PDE10A: variants seen among roughly 807,000 people sequenced by gnomAD.
PDE10A encodes the protein cAMP and cAMP-inhibited cGMP 3',5'-cyclic phosphodiesterase 10A.
In PDE10A, 39 loss-of-function variants were observed where a neutral mutation model predicts 97.7. That is an observed-to-expected ratio of 0.40 (90% CI 0.31 to 0.52). PDE10A has a LOEUF of 0.52. Among genes scored for constraint, PDE10A ranks in the 20% least tolerant of loss-of-function variants. The pLI, the probability that PDE10A is intolerant of heterozygous loss-of-function variation, is 0.56. For missense variants in PDE10A, 731 were observed against 1,047.8 expected (o/e 0.70, Z 4.17); for synonymous variants, 371 against 376.8 (o/e 0.98, Z 0.18).
intron 1 of PDE10A, among the ~76,000 whole-genome samples, chr6:165,619,489 C>CTAGTG (rs1390531060): frequency 2.5e-4 from 7 of 28,146 alleles, no homozygotes; most frequent in East Asian, 8.1e-4. Flanking sequence ...CTAGTGTAGT[C>CTAGTG]TAGTGTAGTC....
intron 1 of PDE10A, among the ~76,000 whole-genome samples, chr6:165,846,176 C>T (rs914423617): frequency 3.3e-5 from 5 of 152,198 alleles, no homozygotes; most frequent in Non-Finnish European, 7.3e-5. Context: ...GCAGATCAGA[C>T]ATTTAAAGTA....
intron 1 of PDE10A, among the ~76,000 whole-genome samples, chr6:165,880,846 A>G (rs1194516478): frequency 2.0e-5 from 3 of 152,166 alleles, no homozygotes; most frequent in Admixed American, 2.0e-4. Context: ...AGGAAAACCC[A>G]AAGCATTCTT....
chr6:165,668,523 C>A (rs1440604058), intron 1 of PDE10A, among the ~76,000 whole-genome samples: 1 of 151,948 alleles, frequency 6.6e-6, no homozygotes, highest in African/African-American at 2.4e-5. Context: ...TTATAATAGG[C>A]CTTGGCATGT....
At chr6:165,617,058 A>G (rs1787758375) in intron 1 of PDE10A, among the ~76,000 whole-genome samples, 1 of 152,230 alleles carries the variant, frequency 6.6e-6, no homozygotes, top group South Asian at 2.1e-4. Context: ...AATGAAAGAA[A>G]AGACTGGCAT....
Position 165,328,194 on chromosome 6 carries a change from T to C in PDE10A, c.*4831A>G, listed in dbSNP as rs1781151866. 1.3e-5 allele frequency: 2 copies of C among 152,148 alleles called. No homozygotes were observed. The highest frequency in any genetic ancestry group is 2.9e-5 in the Non-Finnish European group (2 of 68,034). The allele number at this position is 152,148 out of a possible 1,614,324, so 9.4% of individuals were successfully genotyped here. A position where few individuals can be genotyped will look rare whatever the true frequency, so the allele number is the denominator to read the frequency against. On this transcript the variant is annotated 3_prime_UTR_variant, in exon 22 of 22. Transcript: ENST00000539869. ...CATATACACCATACAACAGATCATA[T>C]GGAAAATAATATTCCTATATGTCAT...
At chr6:165,582,835 A>C (rs1785693434) in intron 1 of PDE10A, among the ~76,000 whole-genome samples, 1 of 152,170 alleles carries the variant, frequency 6.6e-6, no homozygotes, top group Admixed American at 6.5e-5. Context: ...AATTAAAACA[A>C]TATAAAATAT....
At chr6:165,405,229 T>C (rs1787041471) in intron 13 of PDE10A, among the ~76,000 whole-genome samples, 1 of 152,152 alleles carries the variant, frequency 6.6e-6, no homozygotes, top group African/African-American at 2.4e-5. Context: ...TGTCCTAAGG[T>C]AGGAATACTG....
chr6:165,786,028 C>T (rs773063045), intron 1 of PDE10A, among the ~76,000 whole-genome samples: 8 of 152,308 alleles, frequency 5.3e-5, no homozygotes, highest in Non-Finnish European at 1.0e-4. Context: ...TGTCATTCAA[C>T]GATATTCACA....
intron 1 of PDE10A, among the ~76,000 whole-genome samples, chr6:165,753,464 AATTTC>A (rs1402339419): frequency 6.6e-6 from 1 of 152,210 alleles, no homozygotes; most frequent in Admixed American, 6.5e-5. Context: ...CTAAGGGAAG[AATTTC>A]ATTTCATGTT....
rs981514849 is a variant in PDE10A, at chr6:165,711,338, G to A, written c.-614-167770C>T. Among the ~76,000 whole-genome samples the A allele has an allele frequency of 3.9e-5, 6 of 152,142 alleles. No homozygotes were observed. The highest frequency in any genetic ancestry group is 9.7e-5 in the African/African-American group (4 of 41,426). On this transcript the variant is annotated intron_variant, in intron 1 of 19. Coordinates refer to the PDE10A transcript ENST00000366882. This position sits in a 1 kb window ranked among gnomAD's most constrained non-coding sequence, Gnocchi z 4.5. ...ACCATTACAGATGGTATGATTCAGC[G>A]TGCTAAAGGCAGCTGTGGTCTGGAT...
chr6:165,710,283 T>C lies in PDE10A; in HGVS notation c.-614-166715A>G, dbSNP rs111735697. 7.4e-3 allele frequency among the ~76,000 whole-genome samples: 1,132 copies of C among 152,274 alleles called. 11 individuals carry two copies. Among genetic ancestry groups the C allele is most frequent in the African/African-American group, 0.026 (1,070 of 41,532 alleles). On this transcript the variant is annotated intron_variant, in intron 1 of 19. Coordinates refer to the PDE10A transcript ENST00000366882. ...ACAAGGACTGTATCTTGGTCCTAAT[T>C]GCATTACTAGGACAAAGCTACACAT...
chr6:165,620,642 C>A (rs3008025), intron 1 of PDE10A, among the ~76,000 whole-genome samples: 29,570 of 152,110 alleles, frequency 0.19, 4,355 homozygotes, highest in African/African-American at 0.42. Context: ...ACTGCTTCAC[C>A]TGGTGGCAAG....
At chr6:165,784,789 G>C (rs6928099) in intron 1 of PDE10A, among the ~76,000 whole-genome samples, 77,990 of 151,976 alleles carry the variant, frequency 0.51, 20,477 homozygotes, top group Middle Eastern at 0.59. Context: ...GTATATTCAA[G>C]CTGGGATGAA....
At chr6:165,575,543 T>C (rs9459455) in intron 1 of PDE10A, among the ~76,000 whole-genome samples, 123,831 of 152,048 alleles carry the variant, frequency 0.81, 52,502 homozygotes, top group Non-Finnish European at 0.94. Flanking sequence ...TTATGTCTCA[T>C]GTCTTCAAAC....
chr6:165,464,079 C>T (rs1221079236), intron 3 of PDE10A, among the ~76,000 whole-genome samples: 1 of 151,978 alleles, frequency 6.6e-6, no homozygotes, highest in African/African-American at 2.4e-5. Flanking sequence ...GCTGTGAGAC[C>T]CCTGATTTCC....
At chr6:165,606,892 AG>A (rs1787237398) in intron 1 of PDE10A, among the ~76,000 whole-genome samples, 1 of 152,048 alleles carries the variant, frequency 6.6e-6, no homozygotes, top group African/African-American at 2.4e-5. Flanking sequence ...TAATCATAAG[AG>A]GGGTGGGAGC....
At position 165,543,462 on chromosome 6, in the gene PDE10A, C is replaced by T. The variant is rs553053394; in HGVS notation, c.972G>A (p.Lys324=). 1 of 1,612,828 alleles carries T rather than the reference C, an allele frequency of 6.2e-7. No individual in the cohort carries two copies. The highest frequency in any genetic ancestry group is 8.5e-7 in the Non-Finnish European group (1 of 1,179,528). Residue 324 remains lysine, a synonymous_variant, in exon 2 of 22, where the codon AAG becomes AAA. Coordinates refer to ENST00000539869, the MANE Select transcript of PDE10A (RefSeq NM_001385079.1). ...TACCTTCTGATTTGTTGTTCTTCCTCTTCAGCCATTTCTCTACTGTCTCTG... is the reference window on the plus strand; with the variant it reads ...TACCTTCTGATTTGTTGTTCTTCCTTTTCAGCCATTTCTCTACTGTCTCTG... ...VSAETVEKWL[K]RKNNKSEDES...
chr6:165,832,410 G>A (rs962838600), intron 1 of PDE10A, among the ~76,000 whole-genome samples: 3 of 139,438 alleles, frequency 2.2e-5, no homozygotes, highest in African/African-American at 8.1e-5. Flanking sequence ...GCTGGACTTA[G>A]AATCCTGATT....
At chr6:165,754,793 T>C (rs1326555116) in intron 1 of PDE10A, among the ~76,000 whole-genome samples, 1 of 152,172 alleles carries the variant, frequency 6.6e-6, no homozygotes, top group Non-Finnish European at 1.5e-5. Context: ...GTTGTTCTAA[T>C]AATTAATTAG....
Sources: allele counts gnomAD v4.1 joint callset (sites outside exome capture counted in the v4.1 genomes callset), GRCh38; gene constraint gnomAD v4.1.1; non-coding constraint Gnocchi (gnomAD v3.1); transcripts MANE v1.5; gene names NCBI Gene and HGNC (gene_info 2026-07-23, HGNC 2026-07-21).